CXCR4: variants seen among roughly 807,000 people sequenced by gnomAD.
CXCR4 encodes the protein C-X-C motif chemokine receptor 4.
CXCR4 carries 6 observed loss-of-function variants against 22.4 expected under a neutral mutation model. The observed-to-expected ratio is 0.27, with a 90% CI of 0.15 to 0.53. The LOEUF is 0.53. Among genes scored for constraint, CXCR4 ranks in the 20% least tolerant of loss-of-function variants. The pLI is 0.96. For synonymous variants in CXCR4, 155 were observed against 171.7 expected, an observed-to-expected ratio of 0.90 and a Z score of 0.76; for missense variants, 300 against 430.4, an observed-to-expected ratio of 0.70 and a Z score of 2.68.
In CXCR4 at chr2:136,115,133, G is replaced by A. The variant is rs960174502; in HGVS notation, c.795C>T (p.Ile265=). ...YYIGISIDSF[I]LLEIIKQGCE... ...ACCCTTGCTTGATGATTTCCAGGAG[G>A]ATGAAGGAGTCGATGCTGATCCCAA... Residue 265 remains isoleucine, a synonymous_variant, in exon 2 of 2, where the codon ATC becomes ATT. Coordinates refer to ENST00000241393, the MANE Select transcript of CXCR4 (RefSeq NM_003467.3). This position sits in a 1 kb window ranked among gnomAD's most constrained non-coding sequence, Gnocchi z 6.4. 9.3e-6 allele frequency: 15 copies of A among 1,614,102 alleles called. No individual in the cohort carries two copies. In the African/African-American group the frequency reaches 1.2e-4, roughly 13 times the overall value.
intron 1 of CXCR4, 81 bp downstream of exon 1, chr2:136,117,965 T>C: frequency 7.3e-7 from 1 of 1,379,124 alleles, no homozygotes; most frequent in Non-Finnish European, 1.0e-6. Flanking sequence ...TCCTGGCCGC[T>C]TCTGCCCGCT....
chr2:136,114,903 G>A lies in CXCR4; in HGVS notation c.1025C>T (p.Thr342Ile). 2 of 1,611,292 alleles carry A rather than the reference G, an allele frequency of 1.2e-6. No individual in the cohort carries two copies. Among genetic ancestry groups the A allele is most frequent in the South Asian group, 1.1e-5 (1 of 90,680 alleles). ...GTGAAAACTTGAAGACTCAGACTCA[G>A]TGGAAACAGATGAATGTCCACCTCG... is the stretch of plus-strand genomic sequence containing the variant. ...GKRGGHSSVS[T>I]ESESSSFHSS The change falls in exon 2 of 2, where the codon ACT becomes ATT. Residue 342 changes from threonine to isoleucine, a missense_variant. Thr to Ile is a moderately conservative substitution (Grantham distance 89). This residue lies in a region of CXCR4 where 45 missense variants were observed against 89.1 expected (regional missense o/e 0.51). Transcript: ENST00000241393.
At position 136,115,404 on chromosome 2, in the gene CXCR4, G is replaced by C. The variant is rs1324744010; in HGVS notation, c.524C>G (p.Ala175Gly). 3 of 1,614,202 alleles carry C rather than the reference G, an allele frequency of 1.9e-6. No homozygotes were observed. In the South Asian group the frequency reaches 3.3e-5, roughly 18 times the overall value. ...LLLTIPDFIF[A>G]NVSEADDRYI... ...TCTGTCATCTGCCTCACTGACGTTG[G>C]CAAAGATGAAGTCGGGAATAGTCAG... The change falls in exon 2 of 2, where the codon GCC (alanine) becomes GGC (glycine). Residue 175 changes from alanine (A) to glycine (G), a missense_variant. This residue lies in a region of CXCR4 where 137 missense variants were observed against 153.2 expected (regional missense o/e 0.89). Coordinates refer to ENST00000241393, the MANE Select transcript of CXCR4 (RefSeq NM_003467.3). The surrounding 1 kb of genome is among the most constrained non-coding windows in gnomAD (Gnocchi z 6.4).
chr2:136,116,040 T>C (rs1684880503), intron 1 of CXCR4, 128 bp from the exon 2 acceptor site: 2 of 1,565,178 alleles, frequency 1.3e-6, no homozygotes, highest in Non-Finnish European at 1.7e-6. Flanking sequence ...TCTGAAGTAG[T>C]GGGCTAAGGG....
At chr2:136,117,632 C>T (rs1684948976) in intron 1 of CXCR4, 1 of 169,294 alleles carries the variant, frequency 5.9e-6, no homozygotes, top group South Asian at 1.2e-4. Context: ...CCTCTAAATT[C>T]AGACAATGTA....
intron 1 of CXCR4, chr2:136,116,339 C>T: frequency 1.6e-6 from 1 of 625,684 alleles, no homozygotes; most frequent in Non-Finnish European, 2.0e-6. Flanking sequence ...CAGTGATTAA[C>T]TTTTTGTAAG....
chr2:136,115,578 G>C lies in CXCR4; in HGVS notation c.350C>G (p.Thr117Arg), dbSNP rs1203786822. The change falls in exon 2 of 2, where the codon ACA becomes AGA. Residue 117 changes from threonine to arginine, a missense_variant. Physicochemically the swap from Thr to Arg is moderately conservative, Grantham distance 71. Coordinates refer to ENST00000241393, the MANE Select transcript of CXCR4 (RefSeq NM_003467.3). The surrounding 1 kb of genome is among the most constrained non-coding windows in gnomAD (Gnocchi z 6.4). ...FLCKAVHVIY[T>R]VNLYSSVLIL... The stretch of plus-strand genomic sequence containing the variant: ...GAGGACACTGCTGTAGAGGTTGACT[G>C]TGTAGATGACATGGACTGCCTTGCA... 9 of 1,614,188 alleles carry C rather than the reference G, an allele frequency of 5.6e-6. No homozygotes were observed. The highest frequency in any genetic ancestry group is 7.6e-6 in the Non-Finnish European group (9 of 1,180,040).
chr2:136,115,384 C>T lies in CXCR4; in HGVS notation c.544G>A (p.Asp182Asn), dbSNP rs1362722627. The T allele has an allele frequency of 3.1e-6, 5 of 1,614,100 alleles. No individual in the cohort carries two copies. The highest frequency in any genetic ancestry group is 3.3e-5 in the Admixed American group (2 of 60,006). ...TAGAAGCGGTCACAGATATATCTGTCATCTGCCTCACTGACGTTGGCAAAG... is the reference window on the plus strand; with the variant it reads ...TAGAAGCGGTCACAGATATATCTGTTATCTGCCTCACTGACGTTGGCAAAG... Reference protein sequence around the residue: ...FIFANVSEADDRYICDRFYPN... With the variant: ...FIFANVSEADNRYICDRFYPN... Residue 182 changes from aspartate to asparagine, a missense_variant, in exon 2 of 2, where the codon GAC becomes AAC. Transcript: ENST00000241393. The surrounding 1 kb of genome is among the most constrained non-coding windows in gnomAD (Gnocchi z 6.4).
At chr2:136,116,008 A>C in intron 1 of CXCR4, 96 bp from the exon 2 acceptor site, 3 of 1,599,060 alleles carry the variant, frequency 1.9e-6, no homozygotes, top group Non-Finnish European at 2.6e-6. Flanking sequence ...AAACCAATTC[A>C]GGCTTGCTTT....
Position 136,114,839 on chromosome 2 carries a change from T to A in CXCR4, c.*30A>T, listed in dbSNP as rs1684836405. The stretch of plus-strand genomic sequence containing the variant: ...GTGTAACTTAAAAAAAAGTTATTTA[T>A]CGTATAAAAAAAAGTCTTTTACATC... On this transcript the variant is annotated 3_prime_UTR_variant, in exon 2 of 2. Coordinates refer to ENST00000241393, the MANE Select transcript of CXCR4 (RefSeq NM_003467.3). 6.4e-7 allele frequency: 1 copy of A among 1,555,052 alleles called. No homozygotes were observed. The highest frequency in any genetic ancestry group is 8.7e-7 in the Non-Finnish European group (1 of 1,144,278).
chr2:136,115,994 T>A lies in CXCR4; in HGVS notation c.16-82A>T. 1 of 1,609,894 alleles carries A rather than the reference T, an allele frequency of 6.2e-7. No homozygotes were observed. Among genetic ancestry groups the A allele is most frequent in the South Asian group, 1.1e-5 (1 of 90,444 alleles). ...GTTAAAAAAAATTTTTAAAGCAATT[T>A]AAAAAACCAATTCAGGCTTGCTTTC... is the stretch of plus-strand genomic sequence containing the variant. On this transcript the variant is annotated intron_variant, in intron 1 of 1. Coordinates refer to ENST00000241393, the MANE Select transcript of CXCR4 (RefSeq NM_003467.3). The surrounding 1 kb of genome is among the most constrained non-coding windows in gnomAD (Gnocchi z 6.4).
In CXCR4 at chr2:136,115,961, T is replaced by C. The variant is rs1490329046; in HGVS notation, c.16-49A>G. ...ACATTCACTTCCAATTCAGCAAGCA[T>C]TAACCCAGTTAAAAAAAATTTTTAA... On this transcript the variant is annotated intron_variant, in intron 1 of 1. Coordinates refer to ENST00000241393, the MANE Select transcript of CXCR4 (RefSeq NM_003467.3). This position sits in a 1 kb window ranked among gnomAD's most constrained non-coding sequence, Gnocchi z 6.4. The C allele has an allele frequency of 1.2e-6, 2 of 1,613,628 alleles. No homozygotes were observed. Among genetic ancestry groups the C allele is most frequent in the Non-Finnish European group, 1.7e-6 (2 of 1,179,992 alleles).
At chr2:136,117,053 G>C (rs1321964285) in intron 1 of CXCR4, among the ~76,000 whole-genome samples, 1 of 152,214 alleles carries the variant, frequency 6.6e-6, no homozygotes, top group East Asian at 1.9e-4. Flanking sequence ...GGTTTCAAAA[G>C]GTTTCTGGAA....
chr2:136,115,748 G>T lies in CXCR4; in HGVS notation c.180C>A (p.Ile60=), dbSNP rs1684868295. ...LTGIVGNGLV[I]LVMGYQKKLR... Reference sequence around the variant, plus strand: ...GTTTCTTCTGGTAACCCATGACCAGGATGACCAATCCATTGCCCACAATGC... The same window carrying T: ...GTTTCTTCTGGTAACCCATGACCAGTATGACCAATCCATTGCCCACAATGC... The change falls in exon 2 of 2, where the codon ATC becomes ATA. Residue 60 remains isoleucine, a synonymous_variant. Transcript: ENST00000241393. The surrounding 1 kb of genome is among the most constrained non-coding windows in gnomAD (Gnocchi z 6.4). 1 of 1,614,104 alleles carries T rather than the reference G, an allele frequency of 6.2e-7. No homozygotes were observed. Among genetic ancestry groups the T allele is most frequent in the Non-Finnish European group, 8.5e-7 (1 of 1,180,042 alleles).
At chr2:136,117,138 C>T (rs1684919869) in intron 1 of CXCR4, among the ~76,000 whole-genome samples, 1 of 152,222 alleles carries the variant, frequency 6.6e-6, no homozygotes, top group Non-Finnish European at 1.5e-5. Flanking sequence ...TGCCAGTCTT[C>T]GCGGCGGCGA....
In CXCR4 at chr2:136,114,452, C is replaced by T. The variant is rs148300422; in HGVS notation, c.*417G>A. ...AACTGAAAAACCAGCATTTCTATACCACTTTGGGCTTTGGTTATAAGTGCC... is the reference window on the plus strand; with the variant it reads ...AACTGAAAAACCAGCATTTCTATACTACTTTGGGCTTTGGTTATAAGTGCC... On this transcript the variant is annotated 3_prime_UTR_variant, in exon 2 of 2. Transcript: ENST00000241393. 2.5e-5 allele frequency: 6 copies of T among 237,398 alleles called. No individual in the cohort carries two copies. The highest frequency in any genetic ancestry group is 6.7e-5 in the African/African-American group (3 of 45,018). 14.7% of individuals were successfully genotyped at this position (237,398 alleles called of 1,614,324 possible). A position where few individuals can be genotyped will look rare whatever the true frequency, so the allele number is the denominator to read the frequency against.
intron 1 of CXCR4, among the ~76,000 whole-genome samples, chr2:136,116,998 T>C (rs983015432): frequency 1.3e-5 from 2 of 152,246 alleles, no homozygotes; most frequent in African/African-American, 4.8e-5. Context: ...CGAGCGTCTT[T>C]GAATTGCGCG....
intron 1 of CXCR4, 177 bp downstream of exon 1, chr2:136,117,869 T>TCTCCCCCC: frequency 1.2e-5 from 2 of 170,782 alleles, no homozygotes; most frequent in South Asian, 1.4e-4. Context: ...CCAATCCTGC[T>TCTCCCCCC]CCCCCCCCAC....
At chr2:136,116,335 T>G in intron 1 of CXCR4, 3 of 709,476 alleles carry the variant, frequency 4.2e-6, no homozygotes, top group Non-Finnish European at 5.4e-6. Context: ...GGGGCAGTGA[T>G]TAACTTTTTG....
Sources: gnomAD v4.1 joint callset for allele counts (sites outside exome capture counted in the v4.1 genomes callset) on GRCh38, gnomAD v4.1.1 for gene constraint, gnomAD v4.1.1 regional missense constraint, Gnocchi (gnomAD v3.1) non-coding constraint, MANE v1.5 for transcripts, NCBI Gene and HGNC (gene_info 2026-07-23, HGNC 2026-07-21) for gene names.